Variants in GALNT13 observed in about 807,000 individuals in gnomAD.
GALNT13 encodes the protein polypeptide N-acetylgalactosaminyltransferase 13.
GALNT13 carries 28 observed loss-of-function variants against 64.2 expected under a neutral mutation model. The observed-to-expected ratio is 0.44, with a 90% CI of 0.32 to 0.60. The LOEUF (loss-of-function observed/expected upper bound fraction) is 0.60. Among genes scored for constraint, GALNT13 ranks in the 20% least tolerant of loss-of-function variants. The pLI, the probability that GALNT13 is intolerant of heterozygous loss-of-function variation, is 0.05. For missense variants in GALNT13, 577 were observed against 669.8 expected (o/e 0.86, Z 1.53); for synonymous variants, 214 against 224.6 (o/e 0.95, Z 0.42).
chr2:153,721,288 C>A, the GALNT13 span, among the ~76,000 whole-genome samples: 77 of 147,346 alleles, frequency 5.2e-4, no homozygotes, highest in Non-Finnish European at 9.8e-4. Flanking sequence ...ACCAGGCCTG[C>A]CCTAAAAGAG....
chr2:153,656,172 A>C, the GALNT13 span, among the ~76,000 whole-genome samples: 6 of 152,148 alleles, frequency 3.9e-5, no homozygotes, highest in Non-Finnish European at 8.8e-5. Context: ...CTTAGCACCT[A>C]TTCTATAGAA....
chr2:154,184,816 TAAA>T (rs1686165237), intron 4 of GALNT13, among the ~76,000 whole-genome samples: 1 of 152,118 alleles, frequency 6.6e-6, no homozygotes, highest in Admixed American at 6.6e-5. Context: ...ATATATCATT[TAAA>T]AAGTTATTGC....
At chr2:154,393,501 A>C (rs186838764) in intron 9 of GALNT13, among the ~76,000 whole-genome samples, 2 of 152,290 alleles carry the variant, frequency 1.3e-5, no homozygotes, top group Admixed American at 1.3e-4. Flanking sequence ...GTCTCTTAAT[A>C]TGTCTCACTT....
chr2:153,693,563 G>A, the GALNT13 span, among the ~76,000 whole-genome samples: 2 of 151,952 alleles, frequency 1.3e-5, no homozygotes, highest in African/African-American at 4.8e-5. Flanking sequence ...AAAAACACAC[G>A]TTACAATAGA....
intron 3 of GALNT13, among the ~76,000 whole-genome samples, chr2:154,034,768 T>G (rs1698557062): frequency 7.4e-6 from 1 of 135,060 alleles, no homozygotes; most frequent in Non-Finnish European, 1.5e-5. Flanking sequence ...ACAAAAGATA[T>G]GATTTCAGTC....
the GALNT13 span, among the ~76,000 whole-genome samples, chr2:153,451,255 G>C: frequency 1.2e-3 from 187 of 152,098 alleles, 2 homozygotes; most frequent in South Asian, 0.016. Context: ...TAGTAAATAA[G>C]ATTCTTTTCT....
intron 3 of GALNT13, among the ~76,000 whole-genome samples, chr2:153,979,899 A>G (rs1462311556): frequency 2.0e-5 from 3 of 152,164 alleles, no homozygotes; most frequent in Non-Finnish European, 4.4e-5. Context: ...CATATTCCAG[A>G]TTATTATTTA....
At chr2:153,700,167 C>G in the GALNT13 span, among the ~76,000 whole-genome samples, 1 of 152,178 alleles carries the variant, frequency 6.6e-6, no homozygotes, top group Non-Finnish European at 1.5e-5. Flanking sequence ...GGCTTCATCC[C>G]TGGGATGCAA....
At chr2:153,953,229 G>A (rs1356466912) in intron 3 of GALNT13, among the ~76,000 whole-genome samples, 1 of 152,046 alleles carries the variant, frequency 6.6e-6, no homozygotes, top group Non-Finnish European at 1.5e-5. Flanking sequence ...TATGACATAT[G>A]CATAGGAAAT....
At chr2:154,091,369 G>A (rs566096191) in intron 3 of GALNT13, among the ~76,000 whole-genome samples, 6 of 151,924 alleles carry the variant, frequency 3.9e-5, no homozygotes, top group African/African-American at 1.4e-4. Flanking sequence ...TTTATTATGT[G>A]TGTAAAACAT....
chr2:153,923,290 A>T (rs1168613859), intron 2 of GALNT13, among the ~76,000 whole-genome samples: 1 of 152,194 alleles, frequency 6.6e-6, no homozygotes, highest in Non-Finnish European at 1.5e-5. Context: ...CTGCTTTTGT[A>T]CATATCTTTG....
intron 3 of GALNT13, among the ~76,000 whole-genome samples, chr2:153,962,916 TTAA>T (rs1693041616): frequency 6.6e-6 from 1 of 152,234 alleles, no homozygotes; most frequent in African/African-American, 2.4e-5. Flanking sequence ...TGTTTTGAGA[TTAA>T]TAATGTTATT....
At chr2:153,492,412 A>G in the GALNT13 span, among the ~76,000 whole-genome samples, 1 of 152,212 alleles carries the variant, frequency 6.6e-6, no homozygotes. Flanking sequence ...AGTTTAGCAA[A>G]CCTATTGAAG....
In GALNT13 at chr2:153,913,739, C is replaced by T. The variant is rs560878585; in HGVS notation, c.-105+12732C>T. 1.1e-4 allele frequency among the ~76,000 whole-genome samples: 16 copies of T among 152,162 alleles called. No individual in the cohort carries two copies. The South Asian group carries it at 1.7e-3, about 16-fold the overall frequency. On this transcript the variant is annotated intron_variant, in intron 2 of 12. Transcript: ENST00000392825. Reference sequence around the variant, plus strand: ...GGGGCCAGGAATAAGTCCTGGTGAACGGCAGTCCCATGCAGGGTGCCCAGT... The same window carrying T: ...GGGGCCAGGAATAAGTCCTGGTGAATGGCAGTCCCATGCAGGGTGCCCAGT...
intron 3 of GALNT13, among the ~76,000 whole-genome samples, chr2:153,959,111 C>A (rs1264050714): frequency 6.6e-6 from 1 of 152,198 alleles, no homozygotes; most frequent in African/African-American, 2.4e-5. Flanking sequence ...ACCAATATTC[C>A]CCTAGGGGGA....
At chr2:153,488,306 T>A in the GALNT13 span, among the ~76,000 whole-genome samples, 1 of 152,238 alleles carries the variant, frequency 6.6e-6, no homozygotes, top group Admixed American at 6.5e-5. Flanking sequence ...GTAGTCTGTG[T>A]CTGCATTCAG....
the GALNT13 span, among the ~76,000 whole-genome samples, chr2:153,122,848 C>G: frequency 6.6e-6 from 1 of 152,022 alleles, no homozygotes. Context: ...AAGTCCTAAC[C>G]CCATAGCTGT....
chr2:154,052,307 T>A (rs1428810941), intron 3 of GALNT13, among the ~76,000 whole-genome samples: 1 of 152,172 alleles, frequency 6.6e-6, no homozygotes, highest in Non-Finnish European at 1.5e-5. Flanking sequence ...CCTGAGGTCA[T>A]CTTACATAAC....
At chr2:154,275,594 T>C (rs1691598743) in intron 8 of GALNT13, among the ~76,000 whole-genome samples, 2 of 152,162 alleles carry the variant, frequency 1.3e-5, no homozygotes, top group Non-Finnish European at 2.9e-5. Context: ...AATGCCTAGA[T>C]GTCCAGGCAG....
Sources: gnomAD v4.1 joint callset for allele counts (sites outside exome capture counted in the v4.1 genomes callset) on GRCh38, gnomAD v4.1.1 for gene constraint, MANE v1.5 for transcripts, NCBI Gene and HGNC (gene_info 2026-07-23, HGNC 2026-07-21) for gene names.